The following ADGRG2 variants were observed in gnomAD, a reference collection of about 807,000 sequenced individuals.
The protein encoded by ADGRG2 is G protein-coupled receptor 64.
In ADGRG2, 26 loss-of-function variants were observed where a neutral mutation model predicts 74.1. The observed-to-expected ratio is 0.35, with a 90% CI of 0.26 to 0.49. The LOEUF (loss-of-function observed/expected upper bound fraction) is 0.49, where lower values mean the gene tolerates loss of function less well. Among genes scored for constraint, ADGRG2 ranks in the 20% least tolerant of loss-of-function variants. ADGRG2 has a pLI of 0.99. For missense variants in ADGRG2, 619 were observed against 763.1 expected (o/e 0.81, Z 2.22); for synonymous variants, 296 against 295.2 (o/e 1.00, Z -0.03).
intron 3 of ADGRG2, among the ~76,000 whole-genome samples, chrX:19,054,703 A>G (rs1343445371): frequency 8.9e-6 from 1 of 112,210 alleles, no homozygotes; most frequent in Non-Finnish European, 1.9e-5. Flanking sequence ...GTGGCTCCAT[A>G]ATGCATCATC....
In ADGRG2 at chrX:18,994,409, AT is replaced by A. The variant is rs1306459210; in HGVS notation, c.2869+486del. Among the ~76,000 whole-genome samples the A allele has an allele frequency of 2.7e-5, 3 of 110,533 alleles. No homozygotes were observed. In the East Asian group the frequency reaches 8.6e-4, roughly 32 times the overall value. On this transcript the variant is annotated intron_variant, in intron 28 of 28. Coordinates refer to ENST00000379869, the MANE Select transcript of ADGRG2 (RefSeq NM_001079858.3). ...CAGCTACTCGGGAGGCTGAGGCAGA[AT>A]TGCTGGAACCCAGGAGGTGGAGGTT...
At position 19,060,598 on chromosome X, in the gene ADGRG2, G is replaced by A. The variant is rs771595614; in HGVS notation, c.118+8119C>T. On this transcript the variant is annotated intron_variant, in intron 3 of 28. Transcript: ENST00000379869. ...GAGTCTTGCTCTGTTGCCCAGACTGGAGTGCAGTGGTGCAATCTCAGCTCA... is the reference window on the plus strand; with the variant it reads ...GAGTCTTGCTCTGTTGCCCAGACTGAAGTGCAGTGGTGCAATCTCAGCTCA... Among the ~76,000 whole-genome samples, 4 of 105,893 alleles carry A rather than the reference G, an allele frequency of 3.8e-5. No individual in the cohort carries two copies. The South Asian group carries it at 1.7e-3, about 46-fold the overall frequency. 92.0% of individuals were successfully genotyped at this position (105,893 alleles called of 115,157 possible). A position where few individuals can be genotyped will look rare whatever the true frequency, so the allele number is the denominator to read the frequency against.
Position 19,095,753 on chromosome X carries a change from C to T in ADGRG2, c.-46-13007G>A, listed in dbSNP as rs1343229381. Among the ~76,000 whole-genome samples, 3 of 111,776 alleles carry T rather than the reference C, an allele frequency of 2.7e-5. No homozygotes were observed. The East Asian group carries it at 8.5e-4, about 32-fold the overall frequency. ...GGGGAGCCAGGCGCAATGGCTCACACCTGTTATCCCAGCACTTTGGGAGGC... is the reference window on the plus strand; with the variant it reads ...GGGGAGCCAGGCGCAATGGCTCACATCTGTTATCCCAGCACTTTGGGAGGC... On this transcript the variant is annotated intron_variant, in intron 1 of 28. Coordinates refer to ENST00000379869, the MANE Select transcript of ADGRG2 (RefSeq NM_001079858.3).
chrX:19,089,594 C>G (rs1257879649), intron 1 of ADGRG2, among the ~76,000 whole-genome samples: 2 of 111,641 alleles, frequency 1.8e-5, no homozygotes, highest in East Asian at 2.8e-4. Context: ...AAATGTGATA[C>G]AACCAAAAGT....
At chrX:19,072,761 G>A (rs140246613) in intron 2 of ADGRG2, among the ~76,000 whole-genome samples, 69 of 111,890 alleles carry the variant, frequency 6.2e-4, no homozygotes, top group African/African-American at 2.2e-3. Flanking sequence ...TCTGGAATAC[G>A]TTTCCTCAAG....
rs2062149304 is a variant in ADGRG2, at chrX:19,099,247, A to G, written c.-46-16501T>C. ...ATGGCCTTGACAAGAAACAACAGCC[A>G]AAGTCTAGCAAATGCTTCCTACAGC... is the stretch of plus-strand genomic sequence containing the variant. On this transcript the variant is annotated intron_variant, in intron 1 of 28. Transcript: ENST00000379869. Among the ~76,000 whole-genome samples the G allele has an allele frequency of 2.7e-5, 3 of 112,499 alleles. No homozygotes were observed. The South Asian group carries it at 1.1e-3, about 41-fold the overall frequency.
At chrX:19,013,652 T>G (rs750355375) in intron 16 of ADGRG2, 34 bp downstream of exon 16, 5 of 1,117,677 alleles carry the variant, frequency 4.5e-6, no homozygotes, top group Non-Finnish European at 4.8e-6. Context: ...GATGTCTTGA[T>G]TGGCAGATTG....
intron 9 of ADGRG2, among the ~76,000 whole-genome samples, chrX:19,030,565 C>G (rs1380215742): frequency 4.5e-5 from 5 of 112,094 alleles, no homozygotes; most frequent in Admixed American, 3.8e-4. Flanking sequence ...CCGCTTTATT[C>G]TTAGCAAGAC....
At chrX:19,082,417 C>T (rs1400596431) in intron 2 of ADGRG2, among the ~76,000 whole-genome samples, 1 of 111,732 alleles carries the variant, frequency 8.9e-6, no homozygotes, top group African/African-American at 3.3e-5. Flanking sequence ...CACCATGTAA[C>T]TTCAAAATCG....
Position 19,004,782 on chromosome X carries a change from G to A in ADGRG2, c.1937C>T (p.Thr646Ile). The A allele has an allele frequency of 8.3e-7, 1 of 1,208,870 alleles. No homozygotes were observed. Among genetic ancestry groups the A allele is most frequent in the Middle Eastern group, 2.3e-4 (1 of 4,342 alleles). Residue 646 changes from threonine (T) to isoleucine (I), a missense_variant, in exon 23 of 29, where the codon ACT (threonine) becomes ATT (isoleucine). Thr to Ile is a moderately conservative substitution (Grantham distance 89, BLOSUM62 -1). Around this residue, in one of 3 missense-constraint regions of ADGRG2, gnomAD observed 221 missense variants for 340.6 expected, o/e 0.65. Coordinates refer to ENST00000379869, the MANE Select transcript of ADGRG2 (RefSeq NM_001079858.3). ...CGLSSIFLSVTLVTYIAFEKI... is the reference protein window; with the variant it reads ...CGLSSIFLSVILVTYIAFEKI... ...CTCAAAAGCTATGTAGGTTACAAGA[G>A]TCACTGACAGAAAAATTGATGAAAG...
intron 3 of ADGRG2, among the ~76,000 whole-genome samples, chrX:19,042,371 T>C (rs748056159): frequency 9.0e-6 from 1 of 110,814 alleles, no homozygotes; most frequent in African/African-American, 3.3e-5. Context: ...TGAAGGCACC[T>C]GGGAAGAGTT....
chrX:19,038,586 T>C (rs1242119498), intron 4 of ADGRG2, among the ~76,000 whole-genome samples: 3 of 112,465 alleles, frequency 2.7e-5, no homozygotes, highest in Non-Finnish European at 5.6e-5. Flanking sequence ...CAGAACAAAA[T>C]AATTGGCCAC....
chrX:19,001,675 T>C (rs1029863033), intron 24 of ADGRG2, among the ~76,000 whole-genome samples: 15 of 111,926 alleles, frequency 1.3e-4, no homozygotes, highest in African/African-American at 4.9e-4. Flanking sequence ...TGTTCTGTTG[T>C]TCTTCACAAA....
In ADGRG2 at chrX:19,073,251, G is replaced by A. The variant is rs748059396; in HGVS notation, c.-1-4416C>T. 2.7e-5 allele frequency among the ~76,000 whole-genome samples: 3 copies of A among 112,520 alleles called. No individual in the cohort carries two copies. In the Admixed American group the frequency reaches 2.8e-4, roughly 11 times the overall value. On this transcript the variant is annotated intron_variant, in intron 2 of 28. Transcript: ENST00000379869. Reference sequence around the variant, plus strand: ...CTATTCATCTTCTGGTGCAATCTGGGTTAGCTCAATGCTATCCAGGTCATC... The same window carrying A: ...CTATTCATCTTCTGGTGCAATCTGGATTAGCTCAATGCTATCCAGGTCATC...
intron 1 of ADGRG2, among the ~76,000 whole-genome samples, chrX:19,088,286 T>C (rs1300232436): frequency 1.8e-5 from 2 of 111,997 alleles, no homozygotes; most frequent in Non-Finnish European, 3.8e-5. Context: ...CAGAGTGAGC[T>C]TTCTTCCATT....
intron 1 of ADGRG2, among the ~76,000 whole-genome samples, chrX:19,115,665 AG>A (rs1276326973): frequency 1.8e-5 from 2 of 111,501 alleles, no homozygotes; most frequent in African/African-American, 6.5e-5. Context: ...ATTGATTGTA[AG>A]TGTGGTAGGA....
intron 1 of ADGRG2, among the ~76,000 whole-genome samples, chrX:19,096,675 G>C (rs932696970): frequency 1.8e-5 from 2 of 111,452 alleles, no homozygotes; most frequent in African/African-American, 3.3e-5. Flanking sequence ...GTGTAGGGAG[G>C]TGGTGAGGTA....
intron 15 of ADGRG2, among the ~76,000 whole-genome samples, chrX:19,016,949 G>A (rs962126504): frequency 4.5e-5 from 5 of 110,079 alleles, no homozygotes; most frequent in Non-Finnish European, 9.5e-5. Context: ...GGCTGGTCGC[G>A]AACTCCTGGC....
intron 3 of ADGRG2, among the ~76,000 whole-genome samples, chrX:19,062,089 C>G (rs1239928923): frequency 2.7e-5 from 3 of 111,975 alleles, no homozygotes; most frequent in Non-Finnish European, 5.6e-5. Context: ...CCATCTGACC[C>G]CTGGCCTAGG....
Sources: gnomAD v4.1 joint callset for allele counts (sites outside exome capture counted in the v4.1 genomes callset) on GRCh38, gnomAD v4.1.1 for gene constraint, gnomAD v4.1.1 regional missense constraint, MANE v1.5 for transcripts, NCBI Gene and HGNC (gene_info 2026-07-23, HGNC 2026-07-21) for gene names.